Variants in GPHN observed in about 807,000 individuals in gnomAD.
GPHN encodes gephyrin.
A neutral mutation model predicts 95.5 loss-of-function variants in GPHN; 17 were observed. The ratio of observed to expected loss-of-function variants is 0.18; its 90% CI spans 0.12 to 0.27. GPHN has a LOEUF of 0.27. Ranked by LOEUF, GPHN falls within the 10% of genes least tolerant of loss-of-function variation. The pLI, the probability that GPHN is intolerant of heterozygous loss-of-function variation, is 1.00. For synonymous variants in GPHN, 320 were observed against 322.5 expected, an observed-to-expected ratio of 0.99 and a Z score of 0.08; for missense variants, 660 against 978.1, an observed-to-expected ratio of 0.67 and a Z score of 4.34.
At chr14:66,911,004 A>T (rs1013727572) in intron 5 of GPHN, among the ~76,000 whole-genome samples, 4 of 152,054 alleles carry the variant, frequency 2.6e-5, no homozygotes, top group African/African-American at 9.7e-5. Flanking sequence ...GTATAAGAAT[A>T]TGCACAGTAT....
the GPHN span, among the ~76,000 whole-genome samples, chr14:67,365,387 G>A: frequency 6.6e-6 from 1 of 152,202 alleles, no homozygotes; most frequent in Admixed American, 6.5e-5. Context: ...ATAGTAATGA[G>A]ATCACTGGGT....
chr14:66,873,784 A>G (rs1465923117), intron 4 of GPHN, among the ~76,000 whole-genome samples: 1 of 152,148 alleles, frequency 6.6e-6, no homozygotes, highest in African/African-American at 2.4e-5. Context: ...TAAAACTCCC[A>G]TCTCCCTGGG....
chr14:66,758,822 A>G (rs2153451724), intron 2 of GPHN, among the ~76,000 whole-genome samples: 1 of 152,084 alleles, frequency 6.6e-6, no homozygotes, highest in South Asian at 2.1e-4. Context: ...ATTTTACTTT[A>G]CCCATCCCTC....
chr14:66,652,076 A>G lies in GPHN; in HGVS notation c.65-29031A>G, dbSNP rs2065069970. On this transcript the variant is annotated intron_variant, in intron 1 of 22. Transcript: ENST00000478722. ...AAAGGTTGGGGAATGCTGAAAAATG[A>G]AATCCATCTTTCTTTGCATTCTTTC... 2.0e-5 allele frequency among the ~76,000 whole-genome samples: 3 copies of G among 152,166 alleles called. No individual in the cohort carries two copies. The South Asian group carries it at 6.2e-4, about 31-fold the overall frequency.
chr14:66,956,884 T>C (rs1359672060), intron 8 of GPHN, among the ~76,000 whole-genome samples: 2 of 146,660 alleles, frequency 1.4e-5, no homozygotes, highest in Non-Finnish European at 3.0e-5. Flanking sequence ...AAACACCGCA[T>C]ATTCTCACTC....
intron 1 of GPHN, among the ~76,000 whole-genome samples, chr14:66,614,520 G>A (rs1420850770): frequency 6.7e-6 from 1 of 150,148 alleles, no homozygotes; most frequent in Non-Finnish European, 1.5e-5. Context: ...TTTTCTACAT[G>A]CAAAATGATG....
At chr14:67,109,355 G>C (rs1595175739) in intron 13 of GPHN, among the ~76,000 whole-genome samples, 1 of 152,122 alleles carries the variant, frequency 6.6e-6, no homozygotes, top group Non-Finnish European at 1.5e-5. Context: ...CATTGCCCCT[G>C]ACAAGTGACT....
chr14:66,756,231 A>G (rs1008964112), intron 2 of GPHN, among the ~76,000 whole-genome samples: 38 of 152,332 alleles, frequency 2.5e-4, no homozygotes, highest in Admixed American at 2.6e-4. Flanking sequence ...TATTCATTGC[A>G]TGTGTACATG....
chr14:67,413,048 C>T, the GPHN span, among the ~76,000 whole-genome samples: 1 of 151,888 alleles, frequency 6.6e-6, no homozygotes, highest in Non-Finnish European at 1.5e-5. Context: ...CAGGCAAGAG[C>T]CACCGTGTAA....
the GPHN span, among the ~76,000 whole-genome samples, chr14:67,444,486 T>C: frequency 1.3e-4 from 20 of 152,140 alleles, no homozygotes; most frequent in African/African-American, 4.8e-4. Flanking sequence ...AGGAAAAATA[T>C]ATGTTGGGAC....
intron 1 of GPHN, chr14:66,509,074 C>T (rs936818668): frequency 2.4e-5 from 5 of 205,210 alleles, no homozygotes; most frequent in African/African-American, 4.8e-5. Context: ...CTGTGCTTGC[C>T]TGGACGAGAC....
the GPHN span, among the ~76,000 whole-genome samples, chr14:67,584,913 G>A: frequency 6.6e-6 from 1 of 152,208 alleles, no homozygotes; most frequent in African/African-American, 2.4e-5. Context: ...GGACCCACTT[G>A]GTCTGGGAGC....
chr14:66,963,712 C>T (rs927119319), intron 8 of GPHN, among the ~76,000 whole-genome samples: 8 of 152,070 alleles, frequency 5.3e-5, no homozygotes, highest in African/African-American at 1.9e-4. Context: ...TCTTGCTTCT[C>T]AAAATTCCTA....
chr14:66,710,120 A>G (rs2069476246), intron 2 of GPHN, among the ~76,000 whole-genome samples: 2 of 152,170 alleles, frequency 1.3e-5, no homozygotes, highest in South Asian at 2.1e-4. Context: ...GATCCTTTAT[A>G]CAACTGTAAA....
chr14:67,058,088 A>G (rs911532202), intron 10 of GPHN, among the ~76,000 whole-genome samples: 1 of 152,232 alleles, frequency 6.6e-6, no homozygotes, highest in African/African-American at 2.4e-5. Context: ...AGAAGCAGCA[A>G]TATCATTCTG....
chr14:67,646,746 G>T, the GPHN span: 1 of 1,603,926 alleles, frequency 6.2e-7, no homozygotes, highest in Non-Finnish European at 8.5e-7. Flanking sequence ...ACAGTAAGTT[G>T]ATGCATTTGG....
intron 2 of GPHN, among the ~76,000 whole-genome samples, chr14:66,775,392 G>A (rs1181935985): frequency 6.6e-6 from 1 of 152,130 alleles, no homozygotes; most frequent in Admixed American, 6.5e-5. Flanking sequence ...GTACCTGATA[G>A]AGATGTGCTG....
chr14:67,022,933 C>T (rs2073735506), intron 9 of GPHN, among the ~76,000 whole-genome samples: 1 of 151,866 alleles, frequency 6.6e-6, no homozygotes, highest in South Asian at 2.1e-4. Context: ...TTCACATTGA[C>T]TTAAACATTT....
At chr14:66,843,305 A>G (rs1187529049) in intron 4 of GPHN, among the ~76,000 whole-genome samples, 1 of 152,106 alleles carries the variant, frequency 6.6e-6, no homozygotes, top group Non-Finnish European at 1.5e-5. Context: ...ATTCCCCTAT[A>G]CTATGGCCTA....
Sources: gnomAD v4.1 joint callset for allele counts (sites outside exome capture counted in the v4.1 genomes callset) on GRCh38, gnomAD v4.1.1 for gene constraint, MANE v1.5 for transcripts, NCBI Gene and HGNC (gene_info 2026-07-23, HGNC 2026-07-21) for gene names.